Variants in NT5C2 observed in about 807,000 individuals in gnomAD.
The protein encoded by NT5C2 is 5'-nucleotidase, cytosolic II.
Under a neutral mutation model 76.1 loss-of-function variants are expected in NT5C2, and 58 were observed. The ratio of observed to expected loss-of-function variants is 0.76; its 90% CI spans 0.62 to 0.95. NT5C2 has a LOEUF of 0.95. Ranked by LOEUF, NT5C2 falls within the 40% of genes least tolerant of loss-of-function variation. The pLI, the probability that NT5C2 is intolerant of heterozygous loss-of-function variation, is 0.00. For synonymous variants in NT5C2, 229 were observed against 237.4 expected, an observed-to-expected ratio of 0.96 and a Z score of 0.32; for missense variants, 478 against 690.3, an observed-to-expected ratio of 0.69 and a Z score of 3.45.
intron 4 of NT5C2, among the ~76,000 whole-genome samples, chr10:103,135,361 TA>T (rs1370547942): frequency 1.3e-5 from 2 of 152,192 alleles, no homozygotes; most frequent in African/African-American, 4.8e-5. Context: ...CTGATGGTTT[TA>T]AAAAGGGGAA....
At chr10:103,105,542 G>C (rs1213687891) in intron 6 of NT5C2, among the ~76,000 whole-genome samples, 164 bp downstream of exon 6, 4 of 152,106 alleles carry the variant, frequency 2.6e-5, no homozygotes, top group Non-Finnish European at 5.9e-5. Context: ...GTCAGTTTGG[G>C]TTCCAACTGC....
chr10:103,113,350 C>A (rs1479899256), intron 4 of NT5C2, among the ~76,000 whole-genome samples: 1 of 152,094 alleles, frequency 6.6e-6, no homozygotes, highest in Non-Finnish European at 1.5e-5. Context: ...AATATTCCAT[C>A]TGAGAATCTG....
intron 4 of NT5C2, among the ~76,000 whole-genome samples, chr10:103,107,964 G>A (rs1590885923): frequency 6.6e-6 from 1 of 152,108 alleles, no homozygotes; most frequent in Admixed American, 6.5e-5. Flanking sequence ...AGACCAGCCT[G>A]GCCAACACAG....
At chr10:103,111,851 A>C in intron 4 of NT5C2, 1 of 1,174,594 alleles carries the variant, frequency 8.5e-7, no homozygotes, top group Non-Finnish European at 1.1e-6. Flanking sequence ...AACAAAAACA[A>C]AAGCTGGTTT....
intron 4 of NT5C2, among the ~76,000 whole-genome samples, chr10:103,134,076 A>G (rs1037765560): frequency 1.3e-5 from 2 of 152,342 alleles, no homozygotes; most frequent in Non-Finnish European, 2.9e-5. Flanking sequence ...AGGGAAGCAG[A>G]GCATAAAAGT....
At chr10:103,153,706 A>T (rs2082802946) in intron 3 of NT5C2, 15 of 985,318 alleles carry the variant, frequency 1.5e-5, no homozygotes, top group Non-Finnish European at 1.8e-5. Context: ...AGTTTCACAG[A>T]ATCAAGCAGC....
chr10:103,146,564 T>A, intron 3 of NT5C2: 2 of 405,958 alleles, frequency 4.9e-6, no homozygotes, highest in South Asian at 1.1e-4. Flanking sequence ...TATTTTTACT[T>A]AATAGAAAAT....
intron 3 of NT5C2, among the ~76,000 whole-genome samples, chr10:103,161,916 A>C (rs1288090904): frequency 6.6e-6 from 1 of 152,182 alleles, no homozygotes; most frequent in African/African-American, 2.4e-5. Context: ...AATGAGTATG[A>C]GGTTTCTTTT....
intron 3 of NT5C2, 99 bp downstream of exon 3, chr10:103,174,759 G>C (rs1055586151): frequency 2.4e-6 from 2 of 825,112 alleles, no homozygotes; most frequent in Non-Finnish European, 4.2e-6. Context: ...TACGATCTGG[G>C]TTATTTACTT....
Position 103,183,262 on chromosome 10 carries a change from G to GATATATATATATATATAT in NT5C2, c.-168-1952_-168-1935dup, listed in dbSNP as rs201371414. Among the ~76,000 whole-genome samples, 521 of 73,312 alleles carry GATATATATATATATATAT rather than the reference G, an allele frequency of 7.1e-3. 20 individuals carry two copies. The highest frequency in any genetic ancestry group is 0.021 in the African/African-American group (316 of 15,292). The allele number at this position is 73,312 out of a possible 152,430, so 48.1% of individuals were successfully genotyped here. On this transcript the variant is annotated intron_variant, in intron 1 of 18. Coordinates refer to ENST00000404739, the MANE Select transcript of NT5C2 (RefSeq NM_001351169.2). ...GAGATATATATATATGTGTGTGTGT[G>GATATATATATATATATAT]ATATATATATATATATATATATATA...
At chr10:103,127,619 T>C (rs1045426236) in intron 4 of NT5C2, among the ~76,000 whole-genome samples, 2 of 152,200 alleles carry the variant, frequency 1.3e-5, no homozygotes, top group African/African-American at 4.8e-5. Flanking sequence ...AGGCCATCAA[T>C]TTCTCTTTTA....
intron 15 of NT5C2, among the ~76,000 whole-genome samples, chr10:103,092,138 A>G (rs1237240294): frequency 1.3e-5 from 2 of 152,230 alleles, no homozygotes; most frequent in Non-Finnish European, 2.9e-5. Context: ...CATCTACAGC[A>G]TGCTGCCGGT....
intron 3 of NT5C2, among the ~76,000 whole-genome samples, chr10:103,172,593 T>C (rs2088473225): frequency 6.6e-6 from 1 of 151,996 alleles, no homozygotes; most frequent in Admixed American, 6.6e-5. Flanking sequence ...CCCAGCAGTT[T>C]GGGAGGCTGA....
chr10:103,141,677 T>C (rs1367275591), intron 3 of NT5C2, among the ~76,000 whole-genome samples: 1 of 152,186 alleles, frequency 6.6e-6, no homozygotes, highest in East Asian at 1.9e-4. Flanking sequence ...CATTCACTTA[T>C]TAATTTATAA....
Position 103,090,723 on chromosome 10 carries a change from C to T in NT5C2, c.1337G>A (p.Arg446Gln), listed in dbSNP as rs747179682. ...CACTTGACTGGCAAAAAGGGTCTGC[C>T]GGGAGCCACTGCGAAACAGGCTTCC... ...MMGSLFRSGSRQTLFASQVMR... is the reference protein window; with the variant it reads ...MMGSLFRSGSQQTLFASQVMR... Residue 446 changes from arginine (R) to glutamine (Q), a missense_variant, in exon 18 of 19, where the codon CGG becomes CAG. Coordinates refer to ENST00000404739, the MANE Select transcript of NT5C2 (RefSeq NM_001351169.2). 6.2e-6 allele frequency: 10 copies of T among 1,613,984 alleles called. No individual in the cohort carries two copies. Among genetic ancestry groups the T allele is most frequent in the East Asian group, 2.2e-5 (1 of 44,890 alleles).
chr10:103,094,244 A>G, intron 13 of NT5C2, 104 bp downstream of exon 13: 1 of 812,490 alleles, frequency 1.2e-6, no homozygotes, highest in Non-Finnish European at 2.0e-6. Context: ...AGATACGGCT[A>G]ATTAAAAAAA....
chr10:103,159,150 T>G (rs1195626901), intron 3 of NT5C2, among the ~76,000 whole-genome samples: 1 of 151,914 alleles, frequency 6.6e-6, no homozygotes, highest in Non-Finnish European at 1.5e-5. Flanking sequence ...GGGGGATCAC[T>G]TGAGGCCAAG....
Position 103,123,137 on chromosome 10 carries a change from A to G in NT5C2, c.175+16269T>C, listed in dbSNP as rs775839497. On this transcript the variant is annotated intron_variant, in intron 4 of 18. Coordinates refer to ENST00000404739, the MANE Select transcript of NT5C2 (RefSeq NM_001351169.2). ...ACTTAGTAGCCTTTTTTATTTTTTG[A>G]CTTTTTGTTTGAGACAGGGTCTTGT... 4.6e-5 allele frequency among the ~76,000 whole-genome samples: 7 copies of G among 151,668 alleles called. 1 individual carries two copies. Among genetic ancestry groups the G allele is most frequent in the Non-Finnish European group, 1.0e-4 (7 of 67,898 alleles).
intron 3 of NT5C2, among the ~76,000 whole-genome samples, chr10:103,147,586 A>G (rs1441046138): frequency 6.6e-6 from 1 of 152,234 alleles, no homozygotes; most frequent in Non-Finnish European, 1.5e-5. Context: ...CCCAAATGAG[A>G]GGCTTAAACC....
Sources: gnomAD v4.1 joint callset for allele counts (sites outside exome capture counted in the v4.1 genomes callset) on GRCh38, gnomAD v4.1.1 for gene constraint, MANE v1.5 for transcripts, NCBI Gene and HGNC (gene_info 2026-07-23, HGNC 2026-07-21) for gene names.